The following RPS6KC1 variants were observed in gnomAD, a reference collection of about 807,000 sequenced individuals.
RPS6KC1 encodes the protein ribosomal protein S6 kinase C1.
In RPS6KC1, 54 loss-of-function variants were observed where a neutral mutation model predicts 103.8. The ratio of observed to expected loss-of-function variants is 0.52; its 90% CI spans 0.42 to 0.65. The LOEUF (loss-of-function observed/expected upper bound fraction) is 0.65. RPS6KC1 is among the 30% of genes least tolerant of loss of function. The pLI is 0.00. For synonymous variants in RPS6KC1, 439 were observed against 438.7 expected (o/e 1.00, Z -0.01); for missense variants, 1,151 against 1,253.8 (o/e 0.92, Z 1.24).
At chr1:213,755,695 T>G in the RPS6KC1 span, among the ~76,000 whole-genome samples, 2 of 152,216 alleles carry the variant, frequency 1.3e-5, no homozygotes, top group South Asian at 4.1e-4. Flanking sequence ...CCACCCTGAG[T>G]GTGGCTGCTC....
At chr1:213,390,477 C>T in the RPS6KC1 span, among the ~76,000 whole-genome samples, 4 of 152,184 alleles carry the variant, frequency 2.6e-5, no homozygotes, top group Admixed American at 6.5e-5. Flanking sequence ...CATGTAGGCA[C>T]GAGAGAGGCT....
intron 5 of RPS6KC1, among the ~76,000 whole-genome samples, chr1:213,121,111 T>G (rs1028599356): frequency 2.6e-4 from 40 of 152,144 alleles, no homozygotes; most frequent in South Asian, 2.1e-4. Context: ...TTTTTAAATT[T>G]TTTGTAGAAA....
the RPS6KC1 span, among the ~76,000 whole-genome samples, chr1:213,512,879 A>C: frequency 1.3e-5 from 2 of 152,162 alleles, no homozygotes; most frequent in Non-Finnish European, 2.9e-5. Context: ...AGATGTGCCC[A>C]AACCTGGAGG....
the RPS6KC1 span, among the ~76,000 whole-genome samples, chr1:213,845,117 C>T: frequency 1.3e-5 from 2 of 150,796 alleles, no homozygotes; most frequent in African/African-American, 4.9e-5. Context: ...TTACAGTAAA[C>T]CTCTTTAACA....
chr1:213,122,922 C>T (rs2084561902), intron 5 of RPS6KC1, among the ~76,000 whole-genome samples: 1 of 152,032 alleles, frequency 6.6e-6, no homozygotes, highest in Non-Finnish European at 1.5e-5. Flanking sequence ...ACACATGACA[C>T]TGATGATAAA....
At chr1:213,441,703 G>T in the RPS6KC1 span, among the ~76,000 whole-genome samples, 3 of 152,180 alleles carry the variant, frequency 2.0e-5, no homozygotes. Flanking sequence ...AGAGTGTGAG[G>T]AGTGGTGAGA....
chr1:213,120,709 C>T (rs975666511), intron 5 of RPS6KC1, among the ~76,000 whole-genome samples: 2 of 152,102 alleles, frequency 1.3e-5, no homozygotes, highest in Non-Finnish European at 2.9e-5. Context: ...GGTGGATTGT[C>T]ATTTTTCATA....
chr1:213,438,890 T>A, the RPS6KC1 span, among the ~76,000 whole-genome samples: 2 of 148,276 alleles, frequency 1.3e-5, no homozygotes, highest in East Asian at 4.1e-4. Context: ...GCCTCCCGGG[T>A]TCACACCATT....
At chr1:213,734,424 A>G in the RPS6KC1 span, among the ~76,000 whole-genome samples, 1 of 143,254 alleles carries the variant, frequency 7.0e-6, no homozygotes, top group Non-Finnish European at 1.5e-5. Flanking sequence ...TTTTACTAAT[A>G]TGTTACAAGG....
the RPS6KC1 span, among the ~76,000 whole-genome samples, chr1:213,507,095 C>T: frequency 2.6e-5 from 4 of 152,158 alleles, no homozygotes; most frequent in Admixed American, 6.5e-5. Context: ...AATCAATGAA[C>T]GTATCAGCAT....
chr1:213,614,706 A>G, the RPS6KC1 span, among the ~76,000 whole-genome samples: 1 of 152,044 alleles, frequency 6.6e-6, no homozygotes, highest in Non-Finnish European at 1.5e-5. Flanking sequence ...AATGGGAGAG[A>G]GCTGGTCAGC....
At chr1:213,639,075 G>T in the RPS6KC1 span, among the ~76,000 whole-genome samples, 10 of 152,112 alleles carry the variant, frequency 6.6e-5, no homozygotes, top group African/African-American at 2.4e-4. Context: ...GTTTTGTAAG[G>T]CTTATTCCTA....
At chr1:213,117,512 G>A (rs1393033914) in intron 5 of RPS6KC1, 102 bp downstream of exon 5, 11 of 598,978 alleles carry the variant, frequency 1.8e-5, no homozygotes, top group Admixed American at 3.2e-5. Context: ...GAATTTGAGG[G>A]TATTTCACTG....
the RPS6KC1 span, among the ~76,000 whole-genome samples, chr1:213,602,135 T>TC: frequency 1.9e-3 from 145 of 74,984 alleles, 2 homozygotes; most frequent in Non-Finnish European, 2.8e-3. Flanking sequence ...TCTTTCTTTC[T>TC]TTCTTTCTTT....
chr1:213,196,145 T>G (rs1382492932), intron 8 of RPS6KC1, among the ~76,000 whole-genome samples: 1 of 152,008 alleles, frequency 6.6e-6, no homozygotes, highest in Non-Finnish European at 1.5e-5. Context: ...AAAAAATTAT[T>G]TTTTTTTGAT....
chr1:213,341,092 C>T, the RPS6KC1 span, among the ~76,000 whole-genome samples: 1 of 152,182 alleles, frequency 6.6e-6, no homozygotes, highest in East Asian at 1.9e-4. Flanking sequence ...AGATATAAAA[C>T]CATCAAATGC....
At chr1:213,285,264 C>T in the RPS6KC1 span, among the ~76,000 whole-genome samples, 2 of 152,110 alleles carry the variant, frequency 1.3e-5, no homozygotes, top group South Asian at 2.1e-4. Flanking sequence ...GGACACTAAT[C>T]CCATTCATGG....
the RPS6KC1 span, among the ~76,000 whole-genome samples, chr1:213,464,184 C>T: frequency 1.3e-5 from 2 of 152,192 alleles, no homozygotes; most frequent in East Asian, 3.8e-4. Flanking sequence ...CGTCTCAGAA[C>T]TAGAATTATT....
chr1:213,830,930 C>G, the RPS6KC1 span, among the ~76,000 whole-genome samples: 1 of 152,158 alleles, frequency 6.6e-6, no homozygotes, highest in African/African-American at 2.4e-5. Flanking sequence ...TGCCAAATGT[C>G]TTGGTCTCTG....
Sources: gnomAD v4.1 joint callset for allele counts (sites outside exome capture counted in the v4.1 genomes callset) on GRCh38, gnomAD v4.1.1 for gene constraint, MANE v1.5 for transcripts, NCBI Gene and HGNC (gene_info 2026-07-23, HGNC 2026-07-21) for gene names.